The following PTPRM variants were observed in gnomAD, a reference collection of about 807,000 sequenced individuals.
The protein encoded by PTPRM is protein tyrosine phosphatase receptor type M.
PTPRM carries 47 observed loss-of-function variants against 186.7 expected under a neutral mutation model. The ratio of observed to expected loss-of-function variants is 0.25; its 90% CI spans 0.20 to 0.32. The LOEUF is 0.32. Ranked by LOEUF, PTPRM falls within the 10% of genes least tolerant of loss-of-function variation. The pLI, the probability that PTPRM is intolerant of heterozygous loss-of-function variation, is 1.00. For missense variants in PTPRM, 1,494 were observed against 1,865.0 expected, an observed-to-expected ratio of 0.80 and a Z score of 3.66; for synonymous variants, 668 against 674.9, an observed-to-expected ratio of 0.99 and a Z score of 0.16.
chr18:7,774,340 T>G (rs2042479869), intron 2 of PTPRM, 69 bp downstream of exon 2: 2 of 1,552,560 alleles, frequency 1.3e-6, no homozygotes, highest in Non-Finnish European at 1.8e-6. Context: ...ATGTGTTCAC[T>G]GGATATTGGT....
At chr18:7,821,626 C>T (rs1207307878) in intron 2 of PTPRM, among the ~76,000 whole-genome samples, 1 of 152,024 alleles carries the variant, frequency 6.6e-6, no homozygotes, top group African/African-American at 2.4e-5. Flanking sequence ...AAGAGTTGAA[C>T]AACAACAATA....
intron 4 of PTPRM, among the ~76,000 whole-genome samples, chr18:7,921,873 C>T (rs1568017428): frequency 6.6e-6 from 1 of 152,050 alleles, no homozygotes. Flanking sequence ...TCAAGTCAGT[C>T]ACTGGTTCCT....
At chr18:7,875,454 G>A (rs1272329149) in intron 2 of PTPRM, among the ~76,000 whole-genome samples, 1 of 151,720 alleles carries the variant, frequency 6.6e-6, no homozygotes, top group African/African-American at 2.4e-5. Flanking sequence ...CTCCCGAGTA[G>A]CTGGAACTAC....
At chr18:7,862,148 T>G (rs1469961402) in intron 2 of PTPRM, among the ~76,000 whole-genome samples, 1 of 152,146 alleles carries the variant, frequency 6.6e-6, no homozygotes, top group Non-Finnish European at 1.5e-5. Flanking sequence ...ATTTATAAGA[T>G]TATAGTGAAA....
chr18:7,893,232 C>G lies in PTPRM; in HGVS notation c.468+4855C>G, dbSNP rs183615743. ...TCCAGGTCAAAGCACAAGGCAGAAA[C>G]TTGAGAAAAGAACAGTTATTACAAG... is the stretch of plus-strand genomic sequence containing the variant. On this transcript the variant is annotated intron_variant, in intron 3 of 32. Coordinates refer to ENST00000580170, the MANE Select transcript of PTPRM (RefSeq NM_001105244.2). Among the ~76,000 whole-genome samples the G allele has an allele frequency of 4.6e-5, 7 of 152,150 alleles. No homozygotes were observed. The East Asian group carries it at 1.4e-3, about 29-fold the overall frequency.
At chr18:8,066,563 C>CACGTTGATAGCA (rs2089097453) in intron 7 of PTPRM, among the ~76,000 whole-genome samples, 3 of 152,154 alleles carry the variant, frequency 2.0e-5, no homozygotes, top group African/African-American at 7.2e-5. Context: ...TTGACCCTGC[C>CACGTTGATAGCA]ACGTTGATAG....
intron 1 of PTPRM, among the ~76,000 whole-genome samples, chr18:7,705,321 ATCTATCT>A (rs1598405382): frequency 3.8e-4 from 55 of 143,186 alleles, no homozygotes; most frequent in Admixed American, 2.5e-3. Context: ...CTATCTATCT[ATCTATCT>A]GTCTATCTAG....
intron 2 of PTPRM, among the ~76,000 whole-genome samples, chr18:7,809,968 T>C (rs2044425081): frequency 6.6e-6 from 1 of 152,236 alleles, no homozygotes. Context: ...TTACATTCTT[T>C]GACAACAGAT....
intron 1 of PTPRM, among the ~76,000 whole-genome samples, chr18:7,600,818 G>T (rs148773096): frequency 2.6e-5 from 4 of 152,208 alleles, no homozygotes; most frequent in South Asian, 2.1e-4. Flanking sequence ...AGAGGAAGAC[G>T]CTGCGCCCCT....
chr18:7,895,968 G>C (rs531027223), intron 3 of PTPRM, among the ~76,000 whole-genome samples: 1 of 152,304 alleles, frequency 6.6e-6, no homozygotes, highest in South Asian at 2.1e-4. Flanking sequence ...TGGTAGAATA[G>C]TATGCTACAG....
chr18:7,902,338 G>A (rs997131984), intron 3 of PTPRM, among the ~76,000 whole-genome samples: 1 of 152,150 alleles, frequency 6.6e-6, no homozygotes, highest in Non-Finnish European at 1.5e-5. Flanking sequence ...AAGTCATCTT[G>A]CTGGGAAATA....
rs543011575 is a variant in PTPRM, at chr18:8,141,850, CA to C, written c.2168-1793del. On this transcript the variant is annotated intron_variant, in intron 13 of 32. Coordinates refer to ENST00000580170, the MANE Select transcript of PTPRM (RefSeq NM_001105244.2). ...AATTTGTTTTAATTGGACACAAAAT[CA>C]AAATGGAAAAACAGACTTTTTTCAG... is the stretch of plus-strand genomic sequence containing the variant. Among the ~76,000 whole-genome samples the C allele has an allele frequency of 2.0e-4, 31 of 152,234 alleles. No individual in the cohort carries two copies. The East Asian group carries it at 5.8e-3, about 28-fold the overall frequency.
chr18:7,622,041 C>T (rs2037952153), intron 1 of PTPRM, among the ~76,000 whole-genome samples: 1 of 152,150 alleles, frequency 6.6e-6, no homozygotes, highest in African/African-American at 2.4e-5. Context: ...AAAACCTGCC[C>T]AACTGTCTTC....
chr18:8,303,044 T>A (rs77449078), intron 20 of PTPRM, among the ~76,000 whole-genome samples: 1,774 of 152,068 alleles, frequency 0.012, 35 homozygotes, highest in East Asian at 0.041. Flanking sequence ...ATATGGGTGG[T>A]GGTAGAAGCC....
At chr18:8,128,040 ATCTC>A (rs2092415215) in intron 13 of PTPRM, among the ~76,000 whole-genome samples, 1 of 152,158 alleles carries the variant, frequency 6.6e-6, no homozygotes, top group Non-Finnish European at 1.5e-5. Flanking sequence ...AAAACGTACT[ATCTC>A]TATGATACCA....
intron 13 of PTPRM, among the ~76,000 whole-genome samples, chr18:8,138,115 T>A (rs1433469869): frequency 4.6e-5 from 7 of 152,056 alleles, no homozygotes; most frequent in Admixed American, 2.6e-4. Flanking sequence ...AGAGGGAACG[T>A]CAAGTGTCAC....
chr18:7,823,181 C>G (rs1318029721), intron 2 of PTPRM, among the ~76,000 whole-genome samples: 2 of 152,152 alleles, frequency 1.3e-5, no homozygotes, highest in Admixed American at 6.5e-5. Flanking sequence ...CAAAGCTTCC[C>G]CATGCAGAAA....
chr18:7,586,359 G>A (rs2036980061), intron 1 of PTPRM, among the ~76,000 whole-genome samples: 1 of 152,164 alleles, frequency 6.6e-6, no homozygotes, highest in Non-Finnish European at 1.5e-5. Context: ...GCAGGACTAA[G>A]GACCTGGGGG....
At chr18:7,574,974 G>A (rs1047391640) in intron 1 of PTPRM, among the ~76,000 whole-genome samples, 1 of 152,220 alleles carries the variant, frequency 6.6e-6, no homozygotes, top group East Asian at 1.9e-4. Context: ...GGAGCTTGCA[G>A]TGAGCCGAGA....
Sources: gnomAD v4.1 joint callset for allele counts (sites outside exome capture counted in the v4.1 genomes callset) on GRCh38, gnomAD v4.1.1 for gene constraint, MANE v1.5 for transcripts, NCBI Gene and HGNC (gene_info 2026-07-23, HGNC 2026-07-21) for gene names.